The following WFDC3 variants were observed in gnomAD, a reference collection of about 807,000 sequenced individuals.
WFDC3 encodes the protein WAP four-disulfide core domain 3, also known as WAP four-disulfide core domain protein 3.
WFDC3 carries 15 observed loss-of-function variants against 25.8 expected under a neutral mutation model. The observed-to-expected ratio is 0.58, with a 90% confidence interval of 0.39 to 0.89. WFDC3 has a LOEUF of 0.89. Among genes scored for constraint, WFDC3 ranks in the 40% least tolerant of loss-of-function variants. WFDC3 has a pLI of 0.00. For missense variants in WFDC3, 264 were observed against 289.8 expected, an observed-to-expected ratio of 0.91 and a Z score of 0.65; for synonymous variants, 103 against 107.1, an observed-to-expected ratio of 0.96 and a Z score of 0.24.
intron 1 of WFDC3, among the ~76,000 whole-genome samples, chr20:45,790,398 T>C (rs1980902615): frequency 6.6e-6 from 1 of 152,128 alleles, no homozygotes; most frequent in African/African-American, 2.4e-5. Flanking sequence ...GCTAATAACA[T>C]AACCAAGCAT....
chr20:45,776,597 CAAAAAAAAA>C (rs1226620611), intron 5 of WFDC3, among the ~76,000 whole-genome samples: 3 of 12,904 alleles, frequency 2.3e-4, no homozygotes, highest in Admixed American at 1.3e-3. Context: ...GACTCTGTCT[CAAAAAAAAA>C]AAAAAAGAAA....
rs1248423758 is a variant in WFDC3 at position 45,774,393 on chromosome 20, GA to G, written c.*34del. The G allele has an allele frequency of 6.2e-7, 1 of 1,614,084 alleles. No homozygotes were observed. Among genetic ancestry groups the G allele is most frequent in the South Asian group, 1.1e-5 (1 of 91,084 alleles). On this transcript the variant is annotated 3_prime_UTR_variant, in exon 7 of 7. Coordinates refer to ENST00000243938, the MANE Select transcript of WFDC3 (RefSeq NM_080614.2). ...TCTTGACTGCCAGGAAAAGCTTCCA[GA>G]ATTACCAAAGAAGCTCCAGACAAAT...
intron 3 of WFDC3, 138 bp from the exon 4 acceptor site, chr20:45,788,120 A>C: frequency 1.2e-6 from 1 of 815,012 alleles, no homozygotes; most frequent in Non-Finnish European, 1.8e-6. Flanking sequence ...CCTGGCCAAC[A>C]TGGAGAAACC....
rs1427014009 is a variant in WFDC3 at position 45,790,002 on chromosome 20, C to T, written c.-7-20G>A. 6.2e-7 allele frequency: 1 copy of T among 1,605,018 alleles called. No homozygotes were observed. The highest frequency in any genetic ancestry group is 1.1e-5 in the South Asian group (1 of 90,874). ...ATGATGCTGAGAGTTGGGACAAGAGCTCAGTTCAGGCTAGAGGTGTACACC... is the reference window on the plus strand; with the variant it reads ...ATGATGCTGAGAGTTGGGACAAGAGTTCAGTTCAGGCTAGAGGTGTACACC... On this transcript the variant is annotated intron_variant, in intron 1 of 6. Transcript: ENST00000243938.
At chr20:45,781,431 A>G (rs1256826444) in intron 4 of WFDC3, among the ~76,000 whole-genome samples, 1 of 152,232 alleles carries the variant, frequency 6.6e-6, no homozygotes, top group Non-Finnish European at 1.5e-5. Flanking sequence ...GCAGTCCTCA[A>G]GACCACTTAC....
intron 5 of WFDC3, 72 bp downstream of exon 5, chr20:45,777,003 T>A: frequency 3.1e-6 from 5 of 1,606,982 alleles, no homozygotes; most frequent in Non-Finnish European, 4.2e-6. Context: ...TCCTAGCTCC[T>A]CCCAGGAAGG....
chr20:45,775,408 T>C lies in WFDC3; in HGVS notation c.679+9A>G, dbSNP rs1161606638. ...TCTGTTATTGTTGATGACAATGGACTGTACTCACCTAATTCGGAATCAGAC... is the reference window on the plus strand; with the variant it reads ...TCTGTTATTGTTGATGACAATGGACCGTACTCACCTAATTCGGAATCAGAC... On this transcript the variant is annotated intron_variant, in intron 6 of 6. Transcript: ENST00000243938. 1 of 1,613,480 alleles carries C rather than the reference T, an allele frequency of 6.2e-7. No individual in the cohort carries two copies. Among genetic ancestry groups the C allele is most frequent in the Non-Finnish European group, 8.5e-7 (1 of 1,179,524 alleles).
rs1412370538 is a variant in WFDC3, at chr20:45,775,550, A to G, written c.546T>C (p.Cys182=). The G allele has an allele frequency of 6.2e-7, 1 of 1,614,050 alleles. No homozygotes were observed. The highest frequency in any genetic ancestry group is 1.3e-5 in the African/African-American group (1 of 74,906). The change falls in exon 6 of 7, where the codon TGT becomes TGC. Residue 182 remains cysteine, a synonymous_variant. Coordinates refer to ENST00000243938, the MANE Select transcript of WFDC3 (RefSeq NM_080614.2). ...CAGCTTGACAATTCTCATCCATCAC[A>G]CAGCCAACAATGCACAGGCCCACCA... The part of the protein sequence containing the change: ...KVLVGLCIVG[C]VMDENCQAGE...
intron 2 of WFDC3, 85 bp downstream of exon 2, chr20:45,789,809 C>T (rs1980864089): frequency 1.6e-6 from 2 of 1,248,350 alleles, no homozygotes; most frequent in Non-Finnish European, 2.3e-6. Flanking sequence ...AGCAACCTTG[C>T]TCTGGGAGAA....
At chr20:45,788,739 C>G in intron 3 of WFDC3, 192 bp downstream of exon 3, 1 of 672,360 alleles carries the variant, frequency 1.5e-6, no homozygotes. Flanking sequence ...TGCGCTCTTT[C>G]CTGATGGAAG....
At chr20:45,785,238 G>T (rs1007002853) in intron 4 of WFDC3, among the ~76,000 whole-genome samples, 1 of 152,086 alleles carries the variant, frequency 6.6e-6, no homozygotes, top group African/African-American at 2.4e-5. Context: ...TGGGAGCCAA[G>T]GTGGGCAGAT....
At chr20:45,790,125 C>T in intron 1 of WFDC3, 143 bp from the exon 2 acceptor site, 1 of 592,002 alleles carries the variant, frequency 1.7e-6, no homozygotes, top group African/African-American at 1.9e-5. Context: ...AGAATATCTT[C>T]TCCTGACAAG....
chr20:45,777,940 T>C (rs967704416), intron 4 of WFDC3, among the ~76,000 whole-genome samples: 5 of 152,144 alleles, frequency 3.3e-5, no homozygotes, highest in African/African-American at 1.2e-4. Context: ...CTCCCTGAAT[T>C]CTCCCTGTGG....
chr20:45,789,792 A>G, intron 2 of WFDC3, 102 bp downstream of exon 2: 2 of 1,019,590 alleles, frequency 2.0e-6, no homozygotes, highest in East Asian at 2.4e-5. Flanking sequence ...GATCATCTCC[A>G]CTTACAAGCA....
At chr20:45,774,942 CAA>C (rs3080049) in intron 6 of WFDC3, among the ~76,000 whole-genome samples, 74,468 of 117,776 alleles carry the variant, frequency 0.63, 22,192 homozygotes, top group Admixed American at 0.72. Context: ...AACTCCATCT[CAA>C]AAAAAAAAAA....
Position 45,790,177 on chromosome 20 carries a change from C to T in WFDC3, c.-7-195G>A. The T allele has an allele frequency of 7.8e-6, 4 of 515,828 alleles. No homozygotes were observed. In the East Asian group the frequency reaches 9.8e-5, roughly 13 times the overall value. The allele number at this position is 515,828 out of a possible 1,614,324, so 32.0% of individuals were successfully genotyped here. On this transcript the variant is annotated intron_variant, in intron 1 of 6. Transcript: ENST00000243938. ...TGCTGGAGTGTGGGAAAATTCCTGG[C>T]ACTACCAAAGGGGACCTGTGATGGG... is the stretch of plus-strand genomic sequence containing the variant.
At chr20:45,776,966 G>A in intron 5 of WFDC3, 109 bp downstream of exon 5, 1 of 1,573,636 alleles carries the variant, frequency 6.4e-7, no homozygotes, top group South Asian at 1.1e-5. Flanking sequence ...TTGGGTTGGG[G>A]GACCAGAGGG....
chr20:45,779,417 A>T (rs1237101075), intron 4 of WFDC3, among the ~76,000 whole-genome samples: 3 of 152,202 alleles, frequency 2.0e-5, no homozygotes, highest in Admixed American at 2.0e-4. Context: ...ATGCAGCTAA[A>T]CAACCCAGGC....
At chr20:45,780,743 TGAGA>T (rs1369534905) in intron 4 of WFDC3, among the ~76,000 whole-genome samples, 1 of 152,210 alleles carries the variant, frequency 6.6e-6, no homozygotes, top group Non-Finnish European at 1.5e-5. Context: ...CCACTATGTC[TGAGA>T]GAAAGATGCC....
Sources: allele counts gnomAD v4.1 joint callset (sites outside exome capture counted in the v4.1 genomes callset), GRCh38; gene constraint gnomAD v4.1.1; transcripts MANE v1.5; gene names NCBI Gene and HGNC (gene_info 2026-07-23, HGNC 2026-07-21).